MSN: variants seen among roughly 807,000 people sequenced by gnomAD.
MSN encodes the protein moesin.
In MSN, 2 loss-of-function variants were observed where a neutral mutation model predicts 48.0. The observed-to-expected ratio is 0.04, with a 90% confidence interval of 0.02 to 0.13. MSN has a LOEUF of 0.13. Ranked by LOEUF, MSN falls within the 10% of genes least tolerant of loss-of-function variation. The pLI, the probability that MSN is intolerant of heterozygous loss-of-function variation, is 1.00. For synonymous variants in MSN, 146 were observed against 166.9 expected (o/e 0.87, Z 0.97); for missense variants, 267 against 470.1 (o/e 0.57, Z 3.99).
intron 1 of MSN, among the ~76,000 whole-genome samples, chrX:65,660,752 A>G (rs897519240): frequency 9.0e-6 from 1 of 110,594 alleles, no homozygotes; most frequent in Non-Finnish European, 1.9e-5. Context: ...TTTTTAGTAG[A>G]GATGAGGTTT....
chrX:65,647,854 A>T (rs773305003), intron 1 of MSN, among the ~76,000 whole-genome samples: 1 of 112,235 alleles, frequency 8.9e-6, no homozygotes, highest in African/African-American at 3.2e-5. Context: ...GATTCTTTTC[A>T]TCATAAAAGC....
chrX:65,728,662 T>G (rs148646851), intron 3 of MSN, among the ~76,000 whole-genome samples: 3,462 of 111,579 alleles, frequency 0.031, 125 homozygotes, highest in African/African-American at 0.11. Flanking sequence ...CTTACAGTCT[T>G]ATGCTGCACC....
chrX:65,729,308 G>A, intron 3 of MSN, 130 bp from the exon 4 acceptor site: 1 of 669,030 alleles, frequency 1.5e-6, no homozygotes, highest in African/African-American at 2.2e-5. Context: ...TTAATTACCA[G>A]GGGAGTTGCC....
chrX:65,599,243 C>T (rs910311232), intron 1 of MSN, among the ~76,000 whole-genome samples: 11 of 110,656 alleles, frequency 9.9e-5, no homozygotes, highest in South Asian at 7.8e-4. Flanking sequence ...TGCAGTGAGC[C>T]GGGATTGCAC....
intron 1 of MSN, among the ~76,000 whole-genome samples, chrX:65,602,008 G>T (rs2070240215): frequency 8.9e-6 from 1 of 111,830 alleles, no homozygotes; most frequent in Non-Finnish European, 1.9e-5. Flanking sequence ...AAGCAAGACA[G>T]TTAGGGCCTA....
In MSN at chrX:65,739,203, G is replaced by A. The variant is rs775531562; in HGVS notation, c.1569+9G>A. On this transcript the variant is annotated intron_variant, in intron 12 of 12. Transcript: ENST00000360270. The stretch of plus-strand genomic sequence containing the variant: ...TGCAGAAGCACCTGAAGGTATACAA[G>A]TAGGGCCAAGGGGCAAGGAAACTAT... 7 of 1,196,321 alleles carry A rather than the reference G, an allele frequency of 5.9e-6. No homozygotes were observed. Among genetic ancestry groups the A allele is most frequent in the Non-Finnish European group, 7.9e-6 (7 of 884,834 alleles).
In MSN at chrX:65,731,200, C is replaced by A; in HGVS notation, c.551+10C>A. ...ACCGTGGCATGCTCAGGTAAGCTTG[C>A]CCAAGCAGTGGTGGGCCCCACTTCC... On this transcript the variant is annotated intron_variant, in intron 5 of 12. Coordinates refer to ENST00000360270, the MANE Select transcript of MSN (RefSeq NM_002444.3). 1 of 1,189,519 alleles carries A rather than the reference C, an allele frequency of 8.4e-7. No individual in the cohort carries two copies. Among genetic ancestry groups the A allele is most frequent in the Middle Eastern group, 2.3e-4 (1 of 4,314 alleles).
At chrX:65,629,596 G>A (rs1422440863) in intron 1 of MSN, among the ~76,000 whole-genome samples, 2 of 111,808 alleles carry the variant, frequency 1.8e-5, no homozygotes, top group Non-Finnish European at 3.8e-5. Context: ...GTTCCACATG[G>A]CTGGGGAGGC....
chrX:65,699,069 C>A (rs2071274822), intron 1 of MSN, among the ~76,000 whole-genome samples: 6 of 112,099 alleles, frequency 5.4e-5, no homozygotes, highest in Admixed American at 4.7e-4. Flanking sequence ...GAGCTACAGC[C>A]TCCCTTCAAC....
chrX:65,632,125 G>T (rs1030837068), intron 1 of MSN, among the ~76,000 whole-genome samples: 1 of 112,477 alleles, frequency 8.9e-6, no homozygotes, highest in African/African-American at 3.2e-5. Context: ...AAAATCATGT[G>T]TTGGAAACTT....
At chrX:65,597,183 T>C (rs1263212849) in intron 1 of MSN, among the ~76,000 whole-genome samples, 1 of 109,805 alleles carries the variant, frequency 9.1e-6, no homozygotes, top group Non-Finnish European at 1.9e-5. Flanking sequence ...TCTGAGTAGC[T>C]AGGACCACCA....
chrX:65,700,405 C>T (rs1367699092), intron 1 of MSN, among the ~76,000 whole-genome samples: 2 of 112,010 alleles, frequency 1.8e-5, no homozygotes, highest in African/African-American at 6.5e-5. Context: ...CACTCCCTGC[C>T]TCACTCCAGC....
intron 1 of MSN, among the ~76,000 whole-genome samples, chrX:65,687,879 A>G (rs777114344): frequency 2.7e-5 from 3 of 111,968 alleles, no homozygotes; most frequent in African/African-American, 9.7e-5. Context: ...CTTAAAGAAA[A>G]TCTTAAAAGA....
upstream of MSN, among the ~76,000 whole-genome samples, chrX:65,662,811 C>A (rs915014428): frequency 1.8e-5 from 2 of 112,341 alleles, no homozygotes; most frequent in Non-Finnish European, 3.8e-5. Flanking sequence ...TAAAGAGTTT[C>A]TGCACAGCAA....
At chrX:65,643,400 G>A (rs1317152711) in intron 1 of MSN, among the ~76,000 whole-genome samples, 1 of 110,700 alleles carries the variant, frequency 9.0e-6, no homozygotes, top group East Asian at 2.8e-4. Flanking sequence ...CAAGGCAAGA[G>A]TGGGAGGAGA....
intron 1 of MSN, among the ~76,000 whole-genome samples, chrX:65,602,879 A>AAC (rs2070248662): frequency 8.9e-6 from 1 of 111,789 alleles, no homozygotes; most frequent in Admixed American, 9.5e-5. Context: ...TGCCATCTGA[A>AAC]ACAGGCTCCT....
At chrX:65,593,994 C>A (rs920632911) in intron 1 of MSN, among the ~76,000 whole-genome samples, 1 of 112,103 alleles carries the variant, frequency 8.9e-6, no homozygotes, top group Non-Finnish European at 1.9e-5. Context: ...GGAGACAGGT[C>A]TAGGAGTTGC....
chrX:65,619,097 C>G (rs1429597108), intron 1 of MSN, among the ~76,000 whole-genome samples: 2 of 100,104 alleles, frequency 2.0e-5, no homozygotes, highest in Non-Finnish European at 4.0e-5. Context: ...TGATGGGCTT[C>G]CCTTTGAGGG....
At chrX:65,616,244 A>G (rs2070370475) in intron 1 of MSN, among the ~76,000 whole-genome samples, 2 of 107,574 alleles carry the variant, frequency 1.9e-5, no homozygotes, top group Non-Finnish European at 3.8e-5. Flanking sequence ...TCTGTGAAGA[A>G]AGTCATTGGT....
Sources: allele counts gnomAD v4.1 joint callset (sites outside exome capture counted in the v4.1 genomes callset), GRCh38; gene constraint gnomAD v4.1.1; transcripts MANE v1.5; gene names NCBI Gene and HGNC (gene_info 2026-07-23, HGNC 2026-07-21).